Variants in CHRNA5 observed in about 807,000 individuals in gnomAD.
The protein encoded by CHRNA5 is cholinergic receptor nicotinic alpha 5 subunit.
CHRNA5 carries 28 observed loss-of-function variants against 41.2 expected under a neutral mutation model. The ratio of observed to expected loss-of-function variants is 0.68; its 90% CI spans 0.50 to 0.93. The LOEUF (loss-of-function observed/expected upper bound fraction) is 0.93, where lower values mean the gene tolerates loss of function less well. Ranked by LOEUF, CHRNA5 falls within the 40% of genes least tolerant of loss-of-function variation. The pLI, the probability that CHRNA5 is intolerant of heterozygous loss-of-function variation, is 0.00. For missense variants in CHRNA5, 481 were observed against 581.9 expected, an observed-to-expected ratio of 0.83 and a Z score of 1.78; for synonymous variants, 188 against 205.8, an observed-to-expected ratio of 0.91 and a Z score of 0.74.
intron 1 of CHRNA5, among the ~76,000 whole-genome samples, chr15:78,572,759 G>A (rs1360386966): frequency 6.6e-6 from 1 of 152,170 alleles, no homozygotes; most frequent in Non-Finnish European, 1.5e-5. Flanking sequence ...TGGGATTACA[G>A]GCGTGAACCA....
chr15:78,592,031 G>A (rs2053020254), intron 5 of CHRNA5, among the ~76,000 whole-genome samples: 1 of 152,196 alleles, frequency 6.6e-6, no homozygotes, highest in Non-Finnish European at 1.5e-5. Context: ...GATAAAAACA[G>A]AGGCAGAGGT....
intron 1 of CHRNA5, among the ~76,000 whole-genome samples, chr15:78,576,177 C>T (rs1018062163): frequency 3.3e-5 from 5 of 152,106 alleles, no homozygotes; most frequent in Admixed American, 2.6e-4. Context: ...GTTAGAGTCT[C>T]TCTCTGTCTC....
In CHRNA5 at chr15:78,580,279, CAAAAAA is replaced by C. The variant is rs71148541; in HGVS notation, c.107-514_107-509del. On this transcript the variant is annotated intron_variant, in intron 1 of 5. Coordinates refer to ENST00000299565, the Ensembl canonical transcript of CHRNA5. ...TGGGAGACCAGGCAGGACTCCGTCT[CAAAAAA>C]AAAAAAAAAAAAAAAAAGATTATGC... Among the ~76,000 whole-genome samples the C allele has an allele frequency of 8.6e-3, 536 of 62,000 alleles. 4 individuals carry two copies. Among genetic ancestry groups the C allele is most frequent in the African/African-American group, 0.03 (498 of 16,528 alleles). 40.7% of individuals were successfully genotyped at this position (62,000 alleles called of 152,430 possible).
rs1411565078 is a variant in CHRNA5, at chr15:78,592,623, C to A, written c.1246-469C>A. 3.3e-5 allele frequency among the ~76,000 whole-genome samples: 5 copies of A among 152,194 alleles called. No individual in the cohort carries two copies. In the East Asian group the frequency reaches 9.6e-4, roughly 29 times the overall value. On this transcript the variant is annotated intron_variant, in intron 5 of 5. Coordinates refer to ENST00000299565, the Ensembl canonical transcript of CHRNA5. ...AGACTGAAGTGGTCCCTAGGAAATC[C>A]AAAAATAAATAAAGTGTGTATGTGA...
intron 2 of CHRNA5, among the ~76,000 whole-genome samples, chr15:78,584,236 G>A (rs557699392): frequency 3.1e-4 from 47 of 152,232 alleles, no homozygotes; most frequent in African/African-American, 1.1e-3. Context: ...ATATTTGGTG[G>A]ATTCCTGCCT....
intron 1 of CHRNA5, among the ~76,000 whole-genome samples, chr15:78,574,351 G>T (rs2052837441): frequency 6.9e-6 from 1 of 145,028 alleles, no homozygotes; most frequent in Non-Finnish European, 1.5e-5. Flanking sequence ...ATGCACTCCA[G>T]CCTGGCCAAC....
At chr15:78,589,869 T>C in exon 5 of CHRNA5, 2 of 1,613,976 alleles carry the variant, frequency 1.2e-6, no homozygotes, top group Non-Finnish European at 1.7e-6. Flanking sequence ...CACTGTCACC[T>C]GGACTCCACC....
Position 78,588,804 on chromosome 15 carries a change from C to T in CHRNA5, c.413+381C>T, listed in dbSNP as rs1329204978. On this transcript the variant is annotated intron_variant, in intron 4 of 5. Transcript: ENST00000299565. This position sits in a 1 kb window ranked among gnomAD's most constrained non-coding sequence, Gnocchi z 4.1. ...TTCTAGTTGTGTTTAAATACTGTATCGTCATTTTCCCACAATGAGGAATGC... is the reference window on the plus strand; with the variant it reads ...TTCTAGTTGTGTTTAAATACTGTATTGTCATTTTCCCACAATGAGGAATGC... 4.0e-5 allele frequency among the ~76,000 whole-genome samples: 6 copies of T among 151,402 alleles called. No homozygotes were observed. Among genetic ancestry groups the T allele is most frequent in the African/African-American group, 1.5e-4 (6 of 41,250 alleles).
intron 1 of CHRNA5, among the ~76,000 whole-genome samples, chr15:78,578,628 C>T (rs183046957): frequency 6.6e-6 from 1 of 152,304 alleles, no homozygotes; most frequent in East Asian, 1.9e-4. Flanking sequence ...TAGGTTTCCT[C>T]CAGCTAGAGT....
At chr15:78,591,277 AGGAGAATCACTTGAACCCAGGAGGC>A (rs2053010763) in intron 5 of CHRNA5, 2 of 151,204 alleles carry the variant, frequency 1.3e-5, no homozygotes, top group African/African-American at 4.9e-5. Context: ...AGGCTGGGGC[AGGAGAATCACTTGAACCCAGGAGGC>A]GGAGATTGCA....
At chr15:78,575,315 T>C (rs969991225) in intron 1 of CHRNA5, among the ~76,000 whole-genome samples, 19 of 152,198 alleles carry the variant, frequency 1.2e-4, no homozygotes, top group African/African-American at 4.3e-4. Flanking sequence ...CTTTGTTAGG[T>C]ATTCAACTTA....
intron 1 of CHRNA5, among the ~76,000 whole-genome samples, chr15:78,579,257 G>A (rs2052887588): frequency 6.6e-6 from 1 of 151,588 alleles, no homozygotes. Flanking sequence ...TTGTTTGTTT[G>A]TTTGTTTGTT....
chr15:78,576,226 A>C (rs2141404899), intron 1 of CHRNA5, among the ~76,000 whole-genome samples: 1 of 152,266 alleles, frequency 6.6e-6, no homozygotes, highest in African/African-American at 2.4e-5. Flanking sequence ...GGCTCACTGC[A>C]ACCTCTGCCT....
chr15:78,569,768 C>T (rs2052783566), intron 1 of CHRNA5, among the ~76,000 whole-genome samples: 1 of 150,788 alleles, frequency 6.6e-6, no homozygotes, highest in Admixed American at 6.6e-5. Context: ...GAATTTGTTT[C>T]TTTAAACATC....
chr15:78,565,811 G>A (rs928078724), exon 1 of CHRNA5: 1 of 1,222,192 alleles, frequency 8.2e-7, no homozygotes, highest in African/African-American at 1.6e-5. Context: ...GGCGCGGCGG[G>A]CGGCGCGCAG....
intron 1 of CHRNA5, among the ~76,000 whole-genome samples, 193 bp downstream of exon 1, chr15:78,566,018 A>G (rs1278539163): frequency 6.6e-6 from 1 of 152,162 alleles, no homozygotes. Flanking sequence ...AGAAAGGGCT[A>G]CTTGGGTGGG....
intron 1 of CHRNA5, among the ~76,000 whole-genome samples, chr15:78,567,985 T>C (rs78689789): frequency 0.036 from 5,431 of 152,344 alleles, 330 homozygotes; most frequent in African/African-American, 0.12. Context: ...CTTGGACGTA[T>C]TACTTGACCT....
At chr15:78,570,442 TTTTTTTTA>T (rs1339594833) in intron 1 of CHRNA5, among the ~76,000 whole-genome samples, 16 of 140,264 alleles carry the variant, frequency 1.1e-4, no homozygotes, top group South Asian at 2.4e-4. Context: ...TTTTTTTTTT[TTTTTTTTA>T]GTAAAGACAG....
chr15:78,574,906 G>A (rs915356203), intron 1 of CHRNA5, among the ~76,000 whole-genome samples: 3 of 150,836 alleles, frequency 2.0e-5, no homozygotes, highest in Non-Finnish European at 2.9e-5. Context: ...ACAGGAGATC[G>A]AGGCTGCAGT....
Sources: allele counts gnomAD v4.1 joint callset (sites outside exome capture counted in the v4.1 genomes callset), GRCh38; gene constraint gnomAD v4.1.1; non-coding constraint Gnocchi (gnomAD v3.1); transcripts MANE v1.5; gene names NCBI Gene and HGNC (gene_info 2026-07-23, HGNC 2026-07-21).